The following NOTCH2 variants were observed in gnomAD, a reference collection of about 807,000 sequenced individuals.
NOTCH2 encodes neurogenic locus notch homolog protein 2.
A neutral mutation model predicts 235.8 loss-of-function variants in NOTCH2; 29 were observed. The ratio of observed to expected loss-of-function variants is 0.12; its 90% confidence interval spans 0.09 to 0.17. The LOEUF (loss-of-function observed/expected upper bound fraction) is 0.17. Among genes scored for constraint, NOTCH2 ranks in the 10% least tolerant of loss-of-function variants. NOTCH2 has a pLI of 1.00. For missense variants in NOTCH2, 2,285 were observed against 3,150.2 expected, an observed-to-expected ratio of 0.73 and a Z score of 6.57; for synonymous variants, 1,086 against 1,141.5, an observed-to-expected ratio of 0.95 and a Z score of 0.98.
intron 21 of NOTCH2, among the ~76,000 whole-genome samples, chr1:119,936,768 T>C (rs1012968743): frequency 3.9e-5 from 6 of 152,216 alleles, no homozygotes; most frequent in Non-Finnish European, 5.9e-5. Context: ...GACATTAAAA[T>C]AGTGACATGT....
intron 1 of NOTCH2, among the ~76,000 whole-genome samples, chr1:120,065,066 T>C (rs1369092717): frequency 2.0e-5 from 3 of 152,084 alleles, no homozygotes; most frequent in African/African-American, 7.2e-5. Flanking sequence ...GAAGTGAGAT[T>C]CCAAAGTCAA....
chr1:119,949,022 C>A lies in NOTCH2; in HGVS notation c.2584G>T (p.Ala862Ser), dbSNP rs782798700. 3.7e-6 allele frequency: 6 copies of A among 1,614,196 alleles called. No homozygotes were observed. In the African/African-American group the frequency reaches 4.0e-5, roughly 11 times the overall value. Residue 862 changes from alanine to serine, a missense_variant, in exon 16 of 34, where the codon GCT becomes TCT. This residue lies in a region of NOTCH2 where 1,173 missense variants were observed against 1,515.3 expected (regional missense o/e 0.77). Transcript: ENST00000256646. ...ATGTTCTTACCTTGCCAGCCAGGAG[C>A]ACACAAGCAAGTATAACTCTCAAAA... ...PNFESYTCLCAPGWQGQRCTI... is the reference protein window; with the variant it reads ...PNFESYTCLCSPGWQGQRCTI...
intron 22 of NOTCH2, among the ~76,000 whole-genome samples, chr1:119,932,615 C>T (rs587758571): frequency 2.4e-5 from 3 of 126,160 alleles, no homozygotes; most frequent in African/African-American, 9.3e-5. Flanking sequence ...AAATATCTAT[C>T]TATCTATCTA....
At chr1:119,950,487 A>T (rs1411845103) in intron 15 of NOTCH2, 15 of 653,344 alleles carry the variant, frequency 2.3e-5, no homozygotes, top group African/African-American at 5.3e-5. Context: ...TTAAAAAAAA[A>T]TTTCTTTCAA....
chr1:119,935,709 C>G, intron 21 of NOTCH2, 105 bp from the exon 22 acceptor site: 1 of 1,252,736 alleles, frequency 8.0e-7, no homozygotes, highest in Non-Finnish European at 1.1e-6. Context: ...CTCCCACCTC[C>G]TAATTTAGCT....
At position 120,069,437 on chromosome 1, in the gene NOTCH2, C is replaced by T; in HGVS notation, c.-31G>A. ...CGGTCGCCTCCTCCTCCGCCGCCGCCGCCGCCGCCTGGGCAGATCCACATG... is the reference window on the plus strand; with the variant it reads ...CGGTCGCCTCCTCCTCCGCCGCCGCTGCCGCCGCCTGGGCAGATCCACATG... On this transcript the variant is annotated 5_prime_UTR_variant, in exon 1 of 34. Transcript: ENST00000256646. 2 of 1,530,836 alleles carry T rather than the reference C, an allele frequency of 1.3e-6. No individual in the cohort carries two copies. The highest frequency in any genetic ancestry group is 1.2e-5 in the South Asian group (1 of 84,076). 94.8% of individuals were successfully genotyped at this position (1,530,836 alleles called of 1,614,324 possible). A position where few individuals can be genotyped will look rare whatever the true frequency, so the allele number is the denominator to read the frequency against.
At position 119,941,660 on chromosome 1, in the gene NOTCH2, G is replaced by A. The variant is rs2101105479; in HGVS notation, c.2847C>T (p.Asp949=). Residue 949 remains aspartate (D), a synonymous_variant, in exon 18 of 34, where the codon GAC becomes GAT. Transcript: ENST00000256646. The part of the protein sequence containing the change: ...PGFTGDKCQT[D]MNECLSEPCK... ...AGGGTTCACTCAGACACTCATTCAT[G>A]TCTGTCTGGCACTTATCCCCAGTGA... The A allele has an allele frequency of 6.2e-7, 1 of 1,614,166 alleles. No individual in the cohort carries two copies. The highest frequency in any genetic ancestry group is 2.2e-5 in the East Asian group (1 of 44,888).
At chr1:119,979,520 A>AT (rs1316333226) in intron 5 of NOTCH2, among the ~76,000 whole-genome samples, 1 of 152,182 alleles carries the variant, frequency 6.6e-6, no homozygotes, top group Admixed American at 6.5e-5. Flanking sequence ...ATCAAAAGAC[A>AT]TTTTTTGACT....
intron 1 of NOTCH2, among the ~76,000 whole-genome samples, chr1:120,033,736 G>A (rs1376605172): frequency 6.6e-6 from 1 of 151,604 alleles, no homozygotes; most frequent in Non-Finnish European, 1.5e-5. Flanking sequence ...ATAGAGTGGT[G>A]AATATAGTTA....
At chr1:119,987,921 G>T (rs587765399) in intron 4 of NOTCH2, among the ~76,000 whole-genome samples, 1 of 152,160 alleles carries the variant, frequency 6.6e-6, no homozygotes, top group Non-Finnish European at 1.5e-5. Context: ...CCCACAGTGT[G>T]GTCCTTTGTA....
chr1:119,961,509 G>T (rs1553198967), intron 11 of NOTCH2, among the ~76,000 whole-genome samples: 1 of 152,110 alleles, frequency 6.6e-6, no homozygotes, highest in Admixed American at 6.5e-5. Flanking sequence ...TGTGACCTCT[G>T]GTCTACAAAT....
chr1:119,923,666 A>G lies in NOTCH2; in HGVS notation c.4830T>C (p.Leu1610=). Residue 1610 remains leucine (L), a synonymous_variant, in exon 26 of 34, where the codon CTT becomes CTC. Transcript: ENST00000256646. ...MKKQRMTRRS[L]PGEQEQEVAG... is the part of the protein sequence containing the mutation. ...CCACCTCCTGTTCTTGTTCACCAGG[A>G]AGGGATCTGCGTGTCATCCTCTGTT... 4.3e-6 allele frequency: 7 copies of G among 1,614,192 alleles called. No homozygotes were observed. Among genetic ancestry groups the G allele is most frequent in the Non-Finnish European group, 5.9e-6 (7 of 1,180,038 alleles).
chr1:119,937,526 T>A, intron 20 of NOTCH2, 60 bp from the exon 21 acceptor site: 1 of 1,502,526 alleles, frequency 6.7e-7, no homozygotes, highest in Middle Eastern at 2.3e-4. Context: ...GGGGTTCAAA[T>A]CAACCAATGA....
intron 3 of NOTCH2, among the ~76,000 whole-genome samples, chr1:119,999,660 T>A (rs1652629918): frequency 6.6e-6 from 1 of 151,934 alleles, no homozygotes; most frequent in South Asian, 2.1e-4. Flanking sequence ...GGTGGGCAGA[T>A]CACTTGTGGT....
chr1:119,926,830 C>G (rs1557807382), intron 23 of NOTCH2, among the ~76,000 whole-genome samples: 1 of 152,082 alleles, frequency 6.6e-6, no homozygotes, highest in African/African-American at 2.4e-5. Context: ...CTCTGTCTTG[C>G]CTACACAGTA....
Position 119,914,842 on chromosome 1 carries a change from A to G in NOTCH2, c.*464T>C, listed in dbSNP as rs1209437090. 1 of 313,414 alleles carries G rather than the reference A, an allele frequency of 3.2e-6. No homozygotes were observed. Among genetic ancestry groups the G allele is most frequent in the Non-Finnish European group, 6.0e-6 (1 of 167,416 alleles). 19.4% of individuals were successfully genotyped at this position (313,414 alleles called of 1,614,324 possible). A position where few individuals can be genotyped will look rare whatever the true frequency, so the allele number is the denominator to read the frequency against. Reference sequence around the variant, plus strand: ...GAGAGGTGCAAAACCAAAAGCACCAAATGAAGACAAAAGAATGTCCAAGGA... The same window carrying G: ...GAGAGGTGCAAAACCAAAAGCACCAGATGAAGACAAAAGAATGTCCAAGGA... On this transcript the variant is annotated 3_prime_UTR_variant, in exon 34 of 34. Coordinates refer to ENST00000256646, the MANE Select transcript of NOTCH2 (RefSeq NM_024408.4).
rs745586179 is a variant in NOTCH2, at chr1:119,915,571, G to A, written c.7151C>T (p.Pro2384Leu). 2 of 1,613,956 alleles carry A rather than the reference G, an allele frequency of 1.2e-6. No homozygotes were observed. The highest frequency in any genetic ancestry group is 2.7e-5 in the African/African-American group (2 of 74,944). Residue 2384 changes from proline to leucine, a missense_variant, in exon 34 of 34, where the codon CCC becomes CTC. Pro to Leu is a moderately conservative substitution (Grantham distance 98). Coordinates refer to ENST00000256646, the MANE Select transcript of NOTCH2 (RefSeq NM_024408.4). ...HPFPASVGKY[P>L]TPPSQHSYAS... ...ATAACTGTGCTGTGAAGGGGGTGTG[G>A]GGTACTTGCCCACAGAGGCTGGGAA... is the stretch of plus-strand genomic sequence containing the variant.
chr1:119,927,636 T>G (rs1399906306), intron 23 of NOTCH2, among the ~76,000 whole-genome samples: 1 of 152,152 alleles, frequency 6.6e-6, no homozygotes, highest in Non-Finnish European at 1.5e-5. Context: ...TCCCCCTTAC[T>G]TTGCAAATGC....
At chr1:119,975,506 C>T (rs905957819) in intron 5 of NOTCH2, among the ~76,000 whole-genome samples, 2 of 152,074 alleles carry the variant, frequency 1.3e-5, no homozygotes, top group Admixed American at 6.5e-5. Flanking sequence ...ATTAACTGGG[C>T]ATGATGGTGC....
Sources: gnomAD v4.1 joint callset for allele counts (sites outside exome capture counted in the v4.1 genomes callset) on GRCh38, gnomAD v4.1.1 for gene constraint, gnomAD v4.1.1 regional missense constraint, MANE v1.5 for transcripts, NCBI Gene and HGNC (gene_info 2026-07-23, HGNC 2026-07-21) for gene names.